Variants in MCOLN2 observed in about 807,000 individuals in gnomAD.
MCOLN2 encodes the protein mucolipin-2.
Under a neutral mutation model 67.5 loss-of-function variants are expected in MCOLN2, and 57 were observed. The ratio of observed to expected loss-of-function variants is 0.84; its 90% CI spans 0.68 to 1.05. The LOEUF (loss-of-function observed/expected upper bound fraction) is 1.05, where lower values mean the gene tolerates loss of function less well. MCOLN2 is among the 50% of genes least tolerant of loss of function. MCOLN2 has a pLI of 0.00. For missense variants in MCOLN2, 620 were observed against 678.8 expected, an observed-to-expected ratio of 0.91 and a Z score of 0.96; for synonymous variants, 246 against 233.3, an observed-to-expected ratio of 1.05 and a Z score of -0.50.
chr1:84,928,505 C>T (rs1338820646), intron 13 of MCOLN2, among the ~76,000 whole-genome samples: 1 of 152,182 alleles, frequency 6.6e-6, no homozygotes, highest in Non-Finnish European at 1.5e-5. Flanking sequence ...AAAGACCTAT[C>T]GTTTACTTTT....
In MCOLN2 at chr1:84,926,678, C is replaced by T; in HGVS notation, c.*7G>A. ...ATGCCTGAACTTTAATCATCTTTAG[C>T]AGAACTTTAGCTAATAGGTATCAAG... On this transcript the variant is annotated 3_prime_UTR_variant, in exon 14 of 14. Coordinates refer to ENST00000370608, the MANE Select transcript of MCOLN2 (RefSeq NM_153259.4). 1 of 1,587,602 alleles carries T rather than the reference C, an allele frequency of 6.3e-7. No homozygotes were observed. The highest frequency in any genetic ancestry group is 8.6e-7 in the Non-Finnish European group (1 of 1,163,350).
At chr1:84,987,474 A>ATACC (rs1650604539) in intron 1 of MCOLN2, among the ~76,000 whole-genome samples, 1 of 21,882 alleles carries the variant, frequency 4.6e-5, no homozygotes, top group South Asian at 2.2e-3. Flanking sequence ...ATATATAGAT[A>ATACC]TATATACATA....
intron 1 of MCOLN2, among the ~76,000 whole-genome samples, chr1:84,996,473 C>T (rs916078539): frequency 8.3e-5 from 12 of 144,190 alleles, no homozygotes; most frequent in African/African-American, 2.9e-4. Flanking sequence ...TCTGTTTGTA[C>T]TCACAACTTT....
Position 84,940,864 on chromosome 1 carries a change from C to A in MCOLN2, c.960+15G>T, listed in dbSNP as rs375049209. The A allele has an allele frequency of 1.3e-6, 2 of 1,565,948 alleles. No homozygotes were observed. The highest frequency in any genetic ancestry group is 4.5e-5 in the East Asian group (2 of 44,082). ...AGGCCAAGAGGGCAGGAAGAGAATG[C>A]GAACACACTCTTACCTTCCGTAACC... On this transcript the variant is annotated intron_variant, in intron 8 of 13. Transcript: ENST00000370608.
intron 1 of MCOLN2, among the ~76,000 whole-genome samples, chr1:84,989,137 C>A (rs1003003681): frequency 6.6e-6 from 1 of 152,024 alleles, no homozygotes. Context: ...ACCATATAGC[C>A]CAGCATACAG....
At chr1:84,996,483 T>A (rs1473292628) in intron 1 of MCOLN2, among the ~76,000 whole-genome samples, 2 of 148,346 alleles carry the variant, frequency 1.3e-5, no homozygotes, top group African/African-American at 5.0e-5. Flanking sequence ...CTCACAACTT[T>A]GGCTCAACTG....
chr1:84,992,886 G>A (rs557525085), intron 1 of MCOLN2, among the ~76,000 whole-genome samples: 50 of 152,266 alleles, frequency 3.3e-4, no homozygotes, highest in African/African-American at 1.1e-3. Flanking sequence ...TGATCAGGGT[G>A]GTGGTTGCTG....
chr1:84,971,678 A>G (rs911016680), intron 1 of MCOLN2, among the ~76,000 whole-genome samples: 30 of 152,208 alleles, frequency 2.0e-4, no homozygotes, highest in African/African-American at 7.2e-4. Context: ...TATTTAACAC[A>G]TATTTACCCT....
Position 84,996,877 on chromosome 1 carries a change from C to G in MCOLN2, c.-5G>C, listed in dbSNP as rs746526601. On this transcript the variant is annotated 5_prime_UTR_variant, in exon 1 of 14. Coordinates refer to ENST00000370608, the MANE Select transcript of MCOLN2 (RefSeq NM_153259.4). ...ACGATAAGGCTGCCGGGCCATGCCT[C>G]CTCCTTCAAAACTTTCCAGGGCTCT... 1 of 1,613,944 alleles carries G rather than the reference C, an allele frequency of 6.2e-7. No homozygotes were observed. Among genetic ancestry groups the G allele is most frequent in the Non-Finnish European group, 8.5e-7 (1 of 1,179,818 alleles).
rs1370672800 is a variant in MCOLN2 at position 84,987,204 on chromosome 1, CTATCTATA to C, written c.77+9584_77+9591del. 2.1e-3 allele frequency among the ~76,000 whole-genome samples: 202 copies of C among 94,082 alleles called. 2 individuals are homozygous for C. Among genetic ancestry groups the C allele is most frequent in the East Asian group, 0.014 (37 of 2,578 alleles). The allele number at this position is 94,082 out of a possible 152,430, so 61.7% of individuals were successfully genotyped here. On this transcript the variant is annotated intron_variant, in intron 1 of 13. Transcript: ENST00000370608. Reference sequence around the variant, plus strand: ...TCTATCTATCTATCTATCTATCTATCTATCTATATATATGGCATATATATACAGCTATA... The same window carrying C: ...TCTATCTATCTATCTATCTATCTATCTATATGGCATATATATACAGCTATA...
intron 1 of MCOLN2, among the ~76,000 whole-genome samples, chr1:84,988,266 G>A (rs774321373): frequency 6.6e-5 from 10 of 151,850 alleles, no homozygotes; most frequent in Non-Finnish European, 1.5e-4. Context: ...TGCACAGGCT[G>A]GTCTTGAACT....
chr1:84,987,163 G>GAT (rs1430998993), intron 1 of MCOLN2, among the ~76,000 whole-genome samples: 2 of 140,460 alleles, frequency 1.4e-5, no homozygotes, highest in African/African-American at 5.2e-5. Context: ...AAGAAAAGGT[G>GAT]ATATATATAG....
chr1:84,938,298 A>AT (rs1364277634), intron 9 of MCOLN2, among the ~76,000 whole-genome samples: 9 of 152,114 alleles, frequency 5.9e-5, no homozygotes, highest in Non-Finnish European at 1.0e-4. Flanking sequence ...GTTGAACTAA[A>AT]TTTTTTTCCA....
chr1:84,934,862 A>G (rs897715771), intron 11 of MCOLN2, among the ~76,000 whole-genome samples: 1 of 152,216 alleles, frequency 6.6e-6, no homozygotes, highest in Non-Finnish European at 1.5e-5. Context: ...AGCCTTTTGC[A>G]TCTTGACTCC....
chr1:84,981,510 G>A (rs1465177860), intron 1 of MCOLN2, among the ~76,000 whole-genome samples: 1 of 152,174 alleles, frequency 6.6e-6, no homozygotes, highest in Non-Finnish European at 1.5e-5. Context: ...CAACAACATG[G>A]ATGGAACTGG....
At chr1:84,959,932 G>A (rs1214065501) in intron 2 of MCOLN2, among the ~76,000 whole-genome samples, 1 of 152,180 alleles carries the variant, frequency 6.6e-6, no homozygotes, top group African/African-American at 2.4e-5. Flanking sequence ...GGGTGAGGTG[G>A]CCTGTGGCTG....
In MCOLN2 at chr1:84,926,729, A is replaced by G. The variant is rs779087654; in HGVS notation, c.1665-8T>C. ...TGATCATCACTTCTTTTCCTGTAAC[A>G]GAAAGGGAAAGAAGAAAAGAGGAAA... On this transcript the variant is annotated splice_polypyrimidine_tract_variant and splice_region_variant and intron_variant, in intron 13 of 13. Coordinates refer to ENST00000370608, the MANE Select transcript of MCOLN2 (RefSeq NM_153259.4). 12 of 1,589,310 alleles carry G rather than the reference A, an allele frequency of 7.6e-6. No homozygotes were observed. The highest frequency in any genetic ancestry group is 5.1e-5 in the Admixed American group (3 of 58,842).
intron 1 of MCOLN2, among the ~76,000 whole-genome samples, chr1:84,985,694 C>CA (rs995608928): frequency 9.6e-4 from 146 of 151,472 alleles, no homozygotes; most frequent in African/African-American, 3.3e-3. Flanking sequence ...ACAACAGCTG[C>CA]AAAAAAAACC....
Position 84,986,147 on chromosome 1 carries a change from C to T in MCOLN2, c.77+10649G>A, listed in dbSNP as rs376298804. Among the ~76,000 whole-genome samples, 51 of 152,280 alleles carry T rather than the reference C, an allele frequency of 3.3e-4. 1 individual carries two copies. Among genetic ancestry groups the T allele is most frequent in the African/African-American group, 1.2e-3 (48 of 41,542 alleles). Reference sequence around the variant, plus strand: ...ACCCAGAAATAAAGCCAAATACTTACAGCCAACTAATCTTCGACAAAGCAA... The same window carrying T: ...ACCCAGAAATAAAGCCAAATACTTATAGCCAACTAATCTTCGACAAAGCAA... On this transcript the variant is annotated intron_variant, in intron 1 of 13. Coordinates refer to ENST00000370608, the MANE Select transcript of MCOLN2 (RefSeq NM_153259.4).
Sources: gnomAD v4.1 joint callset for allele counts (sites outside exome capture counted in the v4.1 genomes callset) on GRCh38, gnomAD v4.1.1 for gene constraint, MANE v1.5 for transcripts, NCBI Gene and HGNC (gene_info 2026-07-23, HGNC 2026-07-21) for gene names.